Variants in PTPRM observed in about 807,000 individuals in gnomAD.
PTPRM encodes receptor-type tyrosine-protein phosphatase mu.
A neutral mutation model predicts 186.7 loss-of-function variants in PTPRM; 47 were observed. The ratio of observed to expected loss-of-function variants is 0.25; its 90% confidence interval spans 0.20 to 0.32. PTPRM has a LOEUF of 0.32. Ranked by LOEUF, PTPRM falls within the 10% of genes least tolerant of loss-of-function variation. The pLI is 1.00. For synonymous variants in PTPRM, 668 were observed against 674.9 expected (o/e 0.99, Z 0.16); for missense variants, 1,494 against 1,865.0 (o/e 0.80, Z 3.66).
intron 13 of PTPRM, among the ~76,000 whole-genome samples, chr18:8,121,002 T>C (rs1600682342): frequency 6.6e-6 from 1 of 152,340 alleles, no homozygotes; most frequent in Non-Finnish European, 1.5e-5. Flanking sequence ...CAGCTTATTA[T>C]AACAGTATTC....
chr18:7,996,798 CAA>C lies in PTPRM; in HGVS notation c.1132+41398_1132+41399del, dbSNP rs202230386. Among the ~76,000 whole-genome samples, 194 of 117,568 alleles carry C rather than the reference CAA, an allele frequency of 1.7e-3. 1 individual carries two copies. Among genetic ancestry groups the C allele is most frequent in the African/African-American group, 4.8e-3 (156 of 32,798 alleles). The allele number at this position is 117,568 out of a possible 152,430, so 77.1% of individuals were successfully genotyped here. ...AAGCTATCGCATTTACAGTAGTTACCAAAAAAAAAAAAAAATACCTAGGGATA... is the reference window on the plus strand; with the variant it reads ...AAGCTATCGCATTTACAGTAGTTACCAAAAAAAAAAAAATACCTAGGGATA... On this transcript the variant is annotated intron_variant, in intron 7 of 32. Transcript: ENST00000580170.
In PTPRM at chr18:8,406,445, C is replaced by G. The variant is rs1454800260; in HGVS notation, c.*283C>G. ...TAGACAGCTGGTAAACTGAAGAGCA[C>G]AACTATATTCTTATGAAGGAATTTG... On this transcript the variant is annotated 3_prime_UTR_variant, in exon 33 of 33. Coordinates refer to ENST00000580170, the MANE Select transcript of PTPRM (RefSeq NM_001105244.2). The G allele has an allele frequency of 5.3e-6, 2 of 376,714 alleles. No homozygotes were observed. Among genetic ancestry groups the G allele is most frequent in the East Asian group, 9.9e-5 (2 of 20,230 alleles). The allele number at this position is 376,714 out of a possible 1,614,324, so 23.3% of individuals were successfully genotyped here. A position where few individuals can be genotyped will look rare whatever the true frequency, so the allele number is the denominator to read the frequency against.
intron 14 of PTPRM, among the ~76,000 whole-genome samples, chr18:8,181,499 C>T (rs1487987773): frequency 2.0e-5 from 3 of 152,158 alleles, no homozygotes; most frequent in Non-Finnish European, 2.9e-5. Flanking sequence ...GCTATCCATC[C>T]TGAGACTGAG....
intron 13 of PTPRM, among the ~76,000 whole-genome samples, chr18:8,120,503 T>C (rs1177000227): frequency 1.3e-5 from 2 of 150,742 alleles, no homozygotes; most frequent in African/African-American, 4.9e-5. Context: ...TTTTTTTTTT[T>C]TTTTCTTGAG....
At chr18:8,375,845 T>C (rs1266707324) in intron 24 of PTPRM, among the ~76,000 whole-genome samples, 5 of 152,234 alleles carry the variant, frequency 3.3e-5, no homozygotes, top group South Asian at 4.1e-4. Context: ...CCCCCTTTCA[T>C]ACCCAGACAT....
intron 1 of PTPRM, among the ~76,000 whole-genome samples, chr18:7,624,156 C>T (rs1811783845): frequency 6.6e-6 from 1 of 152,180 alleles, no homozygotes; most frequent in African/African-American, 2.4e-5. Flanking sequence ...TGCCTGAGGC[C>T]ATACAACTAA....
chr18:8,243,016 A>G (rs115369083), intron 14 of PTPRM, among the ~76,000 whole-genome samples: 1,525 of 152,256 alleles, frequency 0.01, 21 homozygotes, highest in African/African-American at 0.035. Flanking sequence ...GTGTTCTTAA[A>G]CCTTCTCACT....
chr18:8,102,198 T>G (rs888588070), intron 11 of PTPRM, among the ~76,000 whole-genome samples: 2 of 152,228 alleles, frequency 1.3e-5, no homozygotes, highest in Non-Finnish European at 2.9e-5. Context: ...TGGAGGGTCT[T>G]TCCTCAATAT....
At chr18:8,360,556 C>G (rs543971794) in intron 23 of PTPRM, among the ~76,000 whole-genome samples, 221 of 152,274 alleles carry the variant, frequency 1.5e-3, no homozygotes, top group Middle Eastern at 0.01. Context: ...GACTGGTCAC[C>G]TTGGCCAATA....
intron 19 of PTPRM, among the ~76,000 whole-genome samples, chr18:8,259,605 A>G (rs560456668): frequency 2.0e-5 from 3 of 152,120 alleles, no homozygotes; most frequent in Non-Finnish European, 2.9e-5. Flanking sequence ...TGGCAACTTA[A>G]GAAAAAATTA....
intron 2 of PTPRM, among the ~76,000 whole-genome samples, chr18:7,819,775 CCTGT>C (rs948836427): frequency 6.6e-5 from 10 of 152,128 alleles, no homozygotes; most frequent in African/African-American, 2.2e-4. Flanking sequence ...AACCCCACAG[CCTGT>C]CTGTCTGTAT....
intron 14 of PTPRM, among the ~76,000 whole-genome samples, chr18:8,167,263 A>G (rs1377123785): frequency 6.6e-6 from 1 of 152,142 alleles, no homozygotes; most frequent in Non-Finnish European, 1.5e-5. Context: ...TCTTACCCAC[A>G]TGCGGTGACT....
chr18:8,143,259 G>C (rs950980573), intron 13 of PTPRM, among the ~76,000 whole-genome samples: 5 of 152,150 alleles, frequency 3.3e-5, no homozygotes, highest in African/African-American at 1.2e-4. Context: ...TGAGGAAAAT[G>C]TTCCAGCAAA....
Position 8,247,831 on chromosome 18 carries a change from T to A in PTPRM, c.2453-14T>A. ...CTCTCTGCTGCCCCTGACCAGCCTCTCTTTTATTTACAGCTGTGTCTTCAC... is the reference window on the plus strand; with the variant it reads ...CTCTCTGCTGCCCCTGACCAGCCTCACTTTTATTTACAGCTGTGTCTTCAC... On this transcript the variant is annotated splice_polypyrimidine_tract_variant and intron_variant, in intron 15 of 32. Transcript: ENST00000580170. 1 of 1,573,580 alleles carries A rather than the reference T, an allele frequency of 6.4e-7. No individual in the cohort carries two copies. Among genetic ancestry groups the A allele is most frequent in the East Asian group, 2.2e-5 (1 of 44,680 alleles).
At chr18:8,138,179 A>G (rs1395400476) in intron 13 of PTPRM, among the ~76,000 whole-genome samples, 1 of 150,758 alleles carries the variant, frequency 6.6e-6, no homozygotes, top group Admixed American at 6.6e-5. Flanking sequence ...TCCCCAATGT[A>G]AGTCTGAGTG....
intron 22 of PTPRM, among the ~76,000 whole-genome samples, chr18:8,319,632 C>A (rs1033382234): frequency 2.6e-5 from 4 of 152,176 alleles, no homozygotes; most frequent in Admixed American, 2.6e-4. Flanking sequence ...TGTGCAGTCA[C>A]CTGTATGTAC....
Position 8,033,940 on chromosome 18 carries a change from C to G in PTPRM, c.1133-35746C>G, listed in dbSNP as rs2086162565. ...AGATTCCATTCCTTGCTTCTTCTAG[C>G]TTCTGGTGGTTCTTGCCACGTGCTG... On this transcript the variant is annotated intron_variant, in intron 7 of 32. Transcript: ENST00000580170. Among the ~76,000 whole-genome samples, 3 of 152,136 alleles carry G rather than the reference C, an allele frequency of 2.0e-5. No homozygotes were observed. The South Asian group carries it at 6.2e-4, about 32-fold the overall frequency.
chr18:8,348,311 T>C (rs928123586), intron 23 of PTPRM, among the ~76,000 whole-genome samples: 1 of 152,244 alleles, frequency 6.6e-6, no homozygotes, highest in Non-Finnish European at 1.5e-5. Context: ...ATTGCTGGTG[T>C]TGGAGCCGCC....
chr18:7,719,719 C>A (rs2040411382), intron 1 of PTPRM, among the ~76,000 whole-genome samples: 1 of 152,056 alleles, frequency 6.6e-6, no homozygotes. Context: ...GTGTTCATTG[C>A]TGTTTAATAT....
Sources: allele counts gnomAD v4.1 joint callset (sites outside exome capture counted in the v4.1 genomes callset), GRCh38; gene constraint gnomAD v4.1.1; transcripts MANE v1.5; gene names NCBI Gene and HGNC (gene_info 2026-07-23, HGNC 2026-07-21).